C1RL: variants seen among roughly 807,000 people sequenced by gnomAD.
C1RL encodes the protein complement C1r subcomponent-like protein.
In C1RL, 27 loss-of-function variants were observed where a neutral mutation model predicts 27.9. The ratio of observed to expected loss-of-function variants is 0.97; its 90% CI spans 0.71 to 1.33. The LOEUF is 1.33. Ranked by LOEUF, C1RL falls within the 40% of genes most tolerant of loss-of-function variation. The pLI is 0.00. For missense variants in C1RL, 563 were observed against 623.9 expected (o/e 0.90, Z 1.04); for synonymous variants, 248 against 252.1 (o/e 0.98, Z 0.15).
At chr12:7,108,990 G>GTGTGTGTGTGTGTGTGTGTGTGT (rs1591602899) in intron 1 of C1RL, 120 bp downstream of exon 1, 20 of 87,340 alleles carry the variant, frequency 2.3e-4, no homozygotes, top group Non-Finnish European at 3.1e-4. Context: ...TGTGTGTGTG[G>GTGTGTGTGTGTGTGTGTGTGTGT]GGGGGGGGGG....
Position 7,095,907 on chromosome 12 carries a change from C to A in C1RL, c.*484G>T. 1.0e-6 allele frequency: 1 copy of A among 986,660 alleles called. No individual in the cohort carries two copies. The highest frequency in any genetic ancestry group is 1.2e-6 in the Non-Finnish European group (1 of 830,794). The allele number at this position is 986,660 out of a possible 1,614,324, so 61.1% of individuals were successfully genotyped here. ...AAAGGAGCTGTTTCTATAATTGCAT[C>A]TTGGAGCTGCAGAATAGCTTGAATA... On this transcript the variant is annotated 3_prime_UTR_variant, in exon 6 of 6. Coordinates refer to ENST00000266542, the MANE Select transcript of C1RL (RefSeq NM_016546.4).
At chr12:7,097,282 C>CT in intron 5 of C1RL, 119 bp from the exon 6 acceptor site, 2 of 743,990 alleles carry the variant, frequency 2.7e-6, no homozygotes, top group Non-Finnish European at 3.9e-6. Context: ...GGGATCAGGA[C>CT]GTTTTTTTTT....
rs764538217 is a variant in C1RL, at chr12:7,108,966, G to GGTGT, written c.71+140_71+143dup. 289 of 367,762 alleles carry GGTGT rather than the reference G, an allele frequency of 7.9e-4. 3 individuals are homozygous for GGTGT. Among genetic ancestry groups the GGTGT allele is most frequent in the African/African-American group, 1.3e-3 (27 of 20,686 alleles). 22.8% of individuals were successfully genotyped at this position (367,762 alleles called of 1,614,324 possible). On this transcript the variant is annotated intron_variant, in intron 1 of 5. Coordinates refer to ENST00000266542, the MANE Select transcript of C1RL (RefSeq NM_016546.4). ...GCTGCTGGTGTGTGTATGTGGGGGAGGTGTGTGTGTGTGTGTGTGTGTGGG... is the reference window on the plus strand; with the variant it reads ...GCTGCTGGTGTGTGTATGTGGGGGAGGTGTGTGTGTGTGTGTGTGTGTGTGTGGG...
chr12:7,096,280 T>TGGCCC lies in C1RL; in HGVS notation c.*110_*111insGGGCC. 88 of 992,100 alleles carry TGGCCC rather than the reference T, an allele frequency of 8.9e-5. No homozygotes were observed. The highest frequency in any genetic ancestry group is 1.0e-4 in the Non-Finnish European group (84 of 831,668). The allele number at this position is 992,100 out of a possible 1,614,324, so 61.5% of individuals were successfully genotyped here. ...GTGATGTGAATAGGATTTCCCTGCC[T>TGGCCC]CCCCCAACCCCCCACCCCCAACCCC... On this transcript the variant is annotated 3_prime_UTR_variant, in exon 6 of 6. Transcript: ENST00000266542.
intron 5 of C1RL, chr12:7,099,450 G>C (rs1938547466): frequency 1.0e-6 from 1 of 984,228 alleles, no homozygotes. Flanking sequence ...TCCTTTTCTA[G>C]TCCATCTCAT....
At chr12:7,099,851 G>A (rs985035438) in intron 4 of C1RL, 50 bp downstream of exon 4, 10 of 1,612,716 alleles carry the variant, frequency 6.2e-6, no homozygotes, top group Non-Finnish European at 5.9e-6. Flanking sequence ...TCAGGCATTT[G>A]GGTGGGAATG....
intron 3 of C1RL, among the ~76,000 whole-genome samples, chr12:7,101,179 C>T (rs2135757382): frequency 9.6e-5 from 1 of 10,450 alleles, no homozygotes; most frequent in Admixed American, 1.1e-3. Flanking sequence ...CTTTCCCTCT[C>T]TCCCTCCCTC....
At chr12:7,106,367 C>T (rs1306373852) in intron 2 of C1RL, among the ~76,000 whole-genome samples, 1 of 152,124 alleles carries the variant, frequency 6.6e-6, no homozygotes, top group African/African-American at 2.4e-5. Context: ...CTAAAATTCA[C>T]TCTAAAATAC....
chr12:7,108,655 TC>T, intron 1 of C1RL, 176 bp from the exon 2 acceptor site: 1 of 591,056 alleles, frequency 1.7e-6, no homozygotes, highest in South Asian at 2.1e-5. Context: ...CTCCCCTTCC[TC>T]ACCCCAATCC....
Position 7,100,044 on chromosome 12 carries a change from C to G in C1RL, c.491-18G>C, listed in dbSNP as rs746925274. 46 of 1,596,752 alleles carry G rather than the reference C, an allele frequency of 2.9e-5. No individual in the cohort carries two copies. The highest frequency in any genetic ancestry group is 1.3e-5 in the African/African-American group (1 of 74,664). On this transcript the variant is annotated intron_variant, in intron 3 of 5. Transcript: ENST00000266542. The stretch of plus-strand genomic sequence containing the variant: ...GTTCACAGCTATAGGAAAACAGCAC[C>G]TAGCACAGACTTGCCAACTGGCAAC...
At chr12:7,108,597 G>T in intron 1 of C1RL, 118 bp from the exon 2 acceptor site, 1 of 770,790 alleles carries the variant, frequency 1.3e-6, no homozygotes. Flanking sequence ...AGGGCTAGAA[G>T]CTGTGGCCTC....
At position 7,097,306 on chromosome 12, in the gene C1RL, G is replaced by C. The variant is rs776065411; in HGVS notation, c.692-143C>G. 151 of 721,526 alleles carry C rather than the reference G, an allele frequency of 2.1e-4. 2 individuals carry two copies. The East Asian group carries it at 3.9e-3, about 19-fold the overall frequency. 44.7% of individuals were successfully genotyped at this position (721,526 alleles called of 1,614,324 possible). On this transcript the variant is annotated intron_variant, in intron 5 of 5. Transcript: ENST00000266542. ...ACGTTTTTTTTTTTTTTTTGATATC[G>C]AGTTTCGCTCTTGTTGCCCAGACTG... is the stretch of plus-strand genomic sequence containing the variant.
chr12:7,108,801 C>G (rs750091838), intron 1 of C1RL: 5 of 550,516 alleles, frequency 9.1e-6, no homozygotes, highest in Non-Finnish European at 6.4e-6. Flanking sequence ...TCCCACCCCA[C>G]CCTGGGATCC....
chr12:7,100,070 C>A (rs544384415), intron 3 of C1RL, 44 bp from the exon 4 acceptor site: 1 of 1,568,830 alleles, frequency 6.4e-7, no homozygotes, highest in Non-Finnish European at 8.7e-7. Context: ...AACTGGCAAC[C>A]CAGGGGCTGA....
intron 2 of C1RL, among the ~76,000 whole-genome samples, chr12:7,106,730 AAAAAC>A (rs930936305): frequency 4.3e-4 from 65 of 152,182 alleles, no homozygotes; most frequent in African/African-American, 1.5e-3. Flanking sequence ...CCCCCCACCA[AAAAAC>A]AAAACAAAAC....
chr12:7,108,139 T>A (rs1938815515), intron 2 of C1RL, 112 bp downstream of exon 2: 1 of 880,634 alleles, frequency 1.1e-6, no homozygotes, highest in African/African-American at 1.7e-5. Flanking sequence ...TGCCCCTACA[T>A]GGAAAATTCA....
intron 2 of C1RL, among the ~76,000 whole-genome samples, chr12:7,105,686 A>G (rs1010520501): frequency 1.3e-5 from 2 of 152,256 alleles, no homozygotes; most frequent in Non-Finnish European, 2.9e-5. Context: ...TAGACCCACT[A>G]TAGAGAACAG....
chr12:7,101,129 CT>C (rs1350417001), intron 3 of C1RL, among the ~76,000 whole-genome samples: 2 of 1,890 alleles, frequency 1.1e-3, no homozygotes, highest in African/African-American at 4.3e-3. Context: ...CTCCCTCCTT[CT>C]TCCCTCCCTC....
chr12:7,101,603 CATTTGAA>C (rs1938627058), intron 3 of C1RL: 2 of 504,154 alleles, frequency 4.0e-6, no homozygotes. Context: ...TCTGAGTCAT[CATTTGAA>C]AATTTATAAT....
Sources: gnomAD v4.1 joint callset for allele counts (sites outside exome capture counted in the v4.1 genomes callset) on GRCh38, gnomAD v4.1.1 for gene constraint, MANE v1.5 for transcripts, NCBI Gene and HGNC (gene_info 2026-07-23, HGNC 2026-07-21) for gene names.